Variants in LAMC3 observed in about 807,000 individuals in gnomAD.
LAMC3 encodes laminin subunit gamma-3.
Under a neutral mutation model 173.8 loss-of-function variants are expected in LAMC3, and 128 were observed. The observed-to-expected ratio is 0.74, with a 90% CI of 0.64 to 0.85. The LOEUF is 0.85. Among genes scored for constraint, LAMC3 ranks in the 40% least tolerant of loss-of-function variants. LAMC3 has a pLI of 0.00. For missense variants in LAMC3, 2,022 were observed against 2,156.0 expected (o/e 0.94, Z 1.23); for synonymous variants, 897 against 909.1 (o/e 0.99, Z 0.24).
In LAMC3 at chr9:131,073,429, C is replaced by T. The variant is rs976446907; in HGVS notation, c.3494+108C>T. ...ACCCAGAAGTTGGGATCAGATATTA[C>T]AAGAGCTGTCTGATGGAGGCAGTGT... On this transcript the variant is annotated intron_variant, in intron 20 of 27. Transcript: ENST00000361069. The T allele has an allele frequency of 1.3e-5, 11 of 826,426 alleles. No homozygotes were observed. The African/African-American group carries it at 1.7e-4, about 13-fold the overall frequency. 51.2% of individuals were successfully genotyped at this position (826,426 alleles called of 1,614,324 possible). A position where few individuals can be genotyped will look rare whatever the true frequency, so the allele number is the denominator to read the frequency against.
chr9:131,032,711 C>T (rs1833865547), intron 3 of LAMC3, among the ~76,000 whole-genome samples: 1 of 152,126 alleles, frequency 6.6e-6, no homozygotes, highest in Non-Finnish European at 1.5e-5. Context: ...TCTTGTTGCC[C>T]AGGCTGGAGT....
chr9:131,052,878 C>T lies in LAMC3; in HGVS notation c.1852C>T (p.Pro618Ser), dbSNP rs749305389. ...GCAGGAGACCTCCGAGGACGTGGCC[C>T]CTCCACTGCCCCCCTTCCACTTCCA... is the stretch of plus-strand genomic sequence containing the variant. ...HLQETSEDVA[P>S]PLPPFHFQRL... Residue 618 changes from proline to serine, a missense_variant, in exon 11 of 28, where the codon CCT becomes TCT. By Grantham distance (74) the Pro-to-Ser change is moderately conservative. Transcript: ENST00000361069. 3 of 1,613,790 alleles carry T rather than the reference C, an allele frequency of 1.9e-6. No homozygotes were observed. Among genetic ancestry groups the T allele is most frequent in the Admixed American group, 1.7e-5 (1 of 60,012 alleles).
At chr9:131,039,340 C>A in intron 6 of LAMC3, 92 bp downstream of exon 6, 1 of 1,038,540 alleles carries the variant, frequency 9.6e-7, no homozygotes, top group Non-Finnish European at 1.5e-6. Context: ...CCCTCCCCAT[C>A]CCTTCCTGTC....
chr9:131,052,432 A>T, intron 9 of LAMC3, 59 bp from the exon 10 acceptor site: 3 of 1,401,654 alleles, frequency 2.1e-6, no homozygotes, highest in Non-Finnish European at 3.0e-6. Context: ...ATCAACATAG[A>T]CATTTAAAAT....
intron 13 of LAMC3, 123 bp downstream of exon 13, chr9:131,061,346 C>G (rs1320740228): frequency 1.3e-6 from 1 of 791,432 alleles, no homozygotes. Context: ...GAGAGCCCAG[C>G]TTACGGGCAG....
rs1830253946 is a variant in LAMC3, at chr9:131,082,171, T to C, written c.4030+10T>C. 1.3e-6 allele frequency: 2 copies of C among 1,598,180 alleles called. No homozygotes were observed. Among genetic ancestry groups the C allele is most frequent in the Admixed American group, 3.3e-5 (2 of 59,706 alleles). ...CTGGCTGATCTGGAAGGTACGTGAG[T>C]CCAGCTGACCACTAGGCTGTGTAAT... On this transcript the variant is annotated intron_variant, in intron 24 of 27. Transcript: ENST00000361069.
intron 13 of LAMC3, among the ~76,000 whole-genome samples, chr9:131,065,419 A>G (rs7869047): frequency 2.6e-5 from 4 of 152,204 alleles, no homozygotes; most frequent in African/African-American, 7.2e-5. Context: ...AACATGAGAA[A>G]CAGAAAAGGT....
At position 131,052,683 on chromosome 9, in the gene LAMC3, AG is replaced by A. The variant is rs1834314742; in HGVS notation, c.1823+1del. The A allele has an allele frequency of 6.2e-7, 1 of 1,612,950 alleles. No homozygotes were observed. Among genetic ancestry groups the A allele is most frequent in the South Asian group, 1.1e-5 (1 of 91,050 alleles). Reference sequence around the variant, plus strand: ...CCCAGGGAGGTAGAGCTCAGGTTCCAGTAAGTATCCCCTTCTGTCCTGAGAG... The same window carrying A: ...CCCAGGGAGGTAGAGCTCAGGTTCCATAAGTATCCCCTTCTGTCCTGAGAG... On this transcript the variant is annotated splice_donor_variant, in intron 10 of 27. Transcript: ENST00000361069. LOFTEE classifies it high-confidence loss of function.
rs141374030 is a variant in LAMC3, at chr9:131,028,533, G to A, written c.678+1944G>A. Among the ~76,000 whole-genome samples, 464 of 152,340 alleles carry A rather than the reference G, an allele frequency of 3.0e-3. 1 individual carries two copies. The highest frequency in any genetic ancestry group is 0.01 in the Middle Eastern group (3 of 294). Reference sequence around the variant, plus strand: ...GTGCAGCATGAGAACACACGGAGCCGGCCGTGTCGGGGTCCCCAGGACCAC... The same window carrying A: ...GTGCAGCATGAGAACACACGGAGCCAGCCGTGTCGGGGTCCCCAGGACCAC... On this transcript the variant is annotated intron_variant, in intron 2 of 27. Coordinates refer to ENST00000361069, the MANE Select transcript of LAMC3 (RefSeq NM_006059.4).
At chr9:131,086,394 TG>T (rs376389739) in intron 25 of LAMC3, among the ~76,000 whole-genome samples, 112 of 40,324 alleles carry the variant, frequency 2.8e-3, no homozygotes, top group South Asian at 0.01. Flanking sequence ...TTTTTGGTTT[TG>T]TTTTTTTTTT....
chr9:131,032,590 T>TCTCTTGC (rs797015714), intron 3 of LAMC3, among the ~76,000 whole-genome samples: 1 of 77,454 alleles, frequency 1.3e-5, no homozygotes, highest in Admixed American at 1.3e-4. Flanking sequence ...CTTGCTCTCT[T>TCTCTTGC]TCTCACTCGC....
intron 2 of LAMC3, among the ~76,000 whole-genome samples, chr9:131,027,741 G>T (rs1444925645): frequency 6.6e-6 from 1 of 152,246 alleles, no homozygotes; most frequent in Non-Finnish European, 1.5e-5. Context: ...CCAGTGCGGT[G>T]CTTGGCACGT....
At chr9:131,015,567 G>C (rs1029459298) in intron 1 of LAMC3, among the ~76,000 whole-genome samples, 1 of 152,188 alleles carries the variant, frequency 6.6e-6, no homozygotes, top group African/African-American at 2.4e-5. Context: ...TTGAGCAGCC[G>C]CCTTGACACC....
rs73658912 is a variant in LAMC3 at position 131,042,619 on chromosome 9, G to A, written c.1382+884G>A. Among the ~76,000 whole-genome samples the A allele has an allele frequency of 6.7e-3, 1,014 of 151,886 alleles. 10 individuals are homozygous for A. The highest frequency in any genetic ancestry group is 0.023 in the African/African-American group (939 of 41,356). ...ACAGCCTCCCCCTTTCATACCCACAGCAGGCATCACTAATGGAGCACTATC... is the reference window on the plus strand; with the variant it reads ...ACAGCCTCCCCCTTTCATACCCACAACAGGCATCACTAATGGAGCACTATC... On this transcript the variant is annotated intron_variant, in intron 7 of 27. Transcript: ENST00000361069.
chr9:131,052,781 C>A (rs1274784483), intron 10 of LAMC3, 69 bp from the exon 11 acceptor site: 28 of 1,330,164 alleles, frequency 2.1e-5, no homozygotes, highest in Non-Finnish European at 3.0e-5. Context: ...GGGGGGCTAC[C>A]CCCCATCCCC....
intron 23 of LAMC3, among the ~76,000 whole-genome samples, chr9:131,079,935 A>G (rs1472622791): frequency 6.6e-6 from 1 of 152,180 alleles, no homozygotes; most frequent in East Asian, 1.9e-4. Flanking sequence ...AAAGCTGCAG[A>G]GAAGCGGCCA....
chr9:131,068,260 G>A (rs779950298), intron 15 of LAMC3, 29 bp downstream of exon 15: 2 of 1,600,928 alleles, frequency 1.2e-6, no homozygotes, highest in South Asian at 1.1e-5. Flanking sequence ...CCGGTGCCCT[G>A]GGGACCTCTC....
intron 9 of LAMC3, among the ~76,000 whole-genome samples, chr9:131,052,189 C>T (rs1564376734): frequency 1.3e-5 from 2 of 152,188 alleles, no homozygotes. Flanking sequence ...TGTGTATCCC[C>T]TCCGTTCACC....
rs1833368098 is a variant in LAMC3, at chr9:131,009,457, C to T, written c.243C>T (p.Asp81=). ...ATTGCCAGCGCTGCGACGCCGCCGA[C>T]CCCCAGCGCCACCACAACGCCTCCT... ...GAHCQRCDAA[D]PQRHHNASYL... is the part of the protein sequence containing the mutation. Residue 81 remains aspartate, a synonymous_variant, in exon 1 of 28, where the codon GAC becomes GAT. Coordinates refer to ENST00000361069, the MANE Select transcript of LAMC3 (RefSeq NM_006059.4). This position sits in a 1 kb window ranked among gnomAD's most constrained non-coding sequence, Gnocchi z 4.3. 5.8e-6 allele frequency: 9 copies of T among 1,547,300 alleles called. No homozygotes were observed. The highest frequency in any genetic ancestry group is 7.9e-6 in the Non-Finnish European group (9 of 1,146,100).
Sources: allele counts gnomAD v4.1 joint callset (sites outside exome capture counted in the v4.1 genomes callset), GRCh38; gene constraint gnomAD v4.1.1; non-coding constraint Gnocchi (gnomAD v3.1); transcripts MANE v1.5; gene names NCBI Gene and HGNC (gene_info 2026-07-23, HGNC 2026-07-21).